The following PEF1 variants were observed in gnomAD, a reference collection of about 807,000 sequenced individuals.
PEF1 encodes penta-EF-hand domain containing 1.
A neutral mutation model predicts 32.0 loss-of-function variants in PEF1; 17 were observed. The ratio of observed to expected loss-of-function variants is 0.53; its 90% CI spans 0.36 to 0.80. PEF1 has a LOEUF of 0.80. Ranked by LOEUF, PEF1 falls within the 30% of genes least tolerant of loss-of-function variation. The pLI is 0.00. For missense variants in PEF1, 362 were observed against 369.1 expected, an observed-to-expected ratio of 0.98 and a Z score of 0.16; for synonymous variants, 130 against 139.8, an observed-to-expected ratio of 0.93 and a Z score of 0.50.
Position 31,630,808 on chromosome 1 carries a change from C to G in PEF1, c.660G>C (p.Gln220His). The change falls in exon 5 of 5, where the codon CAG (glutamine) becomes CAC (histidine). Residue 220 changes from glutamine (Q) to histidine (H), a missense_variant. Gln to His is a conservative substitution (Grantham distance 24). Coordinates refer to ENST00000373703, the MANE Select transcript of PEF1 (RefSeq NM_012392.4). ...AGCGGGAGACCAGAAGCTGGGTGAACTGGGGGCTCAGGTTGTAGCCCATTT... is the reference window on the plus strand; with the variant it reads ...AGCGGGAGACCAGAAGCTGGGTGAAGTGGGGGCTCAGGTTGTAGCCCATTT... Reference protein sequence around the residue: ...LSQMGYNLSPQFTQLLVSRYC... With the variant: ...LSQMGYNLSPHFTQLLVSRYC... 6.2e-7 allele frequency: 1 copy of G among 1,612,478 alleles called. No homozygotes were observed. Among genetic ancestry groups the G allele is most frequent in the African/African-American group, 1.3e-5 (1 of 75,048 alleles).
In PEF1 at chr1:31,644,852, G is replaced by C; in HGVS notation, c.13C>G (p.Pro5Ala). 1.2e-6 allele frequency: 2 copies of C among 1,614,040 alleles called. No homozygotes were observed. Among genetic ancestry groups the C allele is most frequent in the Non-Finnish European group, 1.7e-6 (2 of 1,179,942 alleles). MASY[P>A]YRQGCPGAAG... ...CCTCACACACTCACCTGCCGGTAAGGATAGCTGGCCATGGTGATTCTGACG... is the reference window on the plus strand; with the variant it reads ...CCTCACACACTCACCTGCCGGTAAGCATAGCTGGCCATGGTGATTCTGACG... Residue 5 changes from proline (P) to alanine (A), a missense_variant, in exon 1 of 5, where the codon CCT (proline) becomes GCT (alanine). Coordinates refer to ENST00000373703, the MANE Select transcript of PEF1 (RefSeq NM_012392.4).
At chr1:31,639,686 C>T (rs1408735836) in intron 1 of PEF1, among the ~76,000 whole-genome samples, 1 of 152,150 alleles carries the variant, frequency 6.6e-6, no homozygotes, top group Non-Finnish European at 1.5e-5. Context: ...ATGAAGAGAA[C>T]GGAATGGATT....
intron 1 of PEF1, among the ~76,000 whole-genome samples, chr1:31,640,332 C>CTA (rs1243247109): frequency 1.3e-5 from 2 of 152,180 alleles, no homozygotes; most frequent in African/African-American, 4.8e-5. Flanking sequence ...GATCATGCAG[C>CTA]TAGAATGGGC....
At chr1:31,639,342 T>G (rs779359851) in intron 1 of PEF1, among the ~76,000 whole-genome samples, 1 of 151,908 alleles carries the variant, frequency 6.6e-6, no homozygotes, top group Non-Finnish European at 1.5e-5. Context: ...TGTCTAAGAG[T>G]AGTTTCTGTC....
intron 1 of PEF1, among the ~76,000 whole-genome samples, chr1:31,640,036 G>T (rs1021704220): frequency 1.3e-5 from 2 of 152,196 alleles, no homozygotes; most frequent in African/African-American, 4.8e-5. Flanking sequence ...ATTTCATACT[G>T]ATAAACAGGA....
Position 31,630,206 on chromosome 1 carries a change from C to T in PEF1, c.*407G>A, listed in dbSNP as rs970662534. 2.5e-5 allele frequency: 6 copies of T among 244,014 alleles called. No homozygotes were observed. The highest frequency in any genetic ancestry group is 4.9e-5 in the Non-Finnish European group (6 of 121,350). 15.1% of individuals were successfully genotyped at this position (244,014 alleles called of 1,614,324 possible). A position where few individuals can be genotyped will look rare whatever the true frequency, so the allele number is the denominator to read the frequency against. On this transcript the variant is annotated 3_prime_UTR_variant, in exon 5 of 5. Coordinates refer to ENST00000373703, the MANE Select transcript of PEF1 (RefSeq NM_012392.4). ...CAGATTCCACTTTGGAGAAAATGGG[C>T]TCGTTTGACAGGATGGCCTGGTGAG...
intron 1 of PEF1, among the ~76,000 whole-genome samples, chr1:31,639,532 T>C (rs1640342276): frequency 6.6e-6 from 1 of 152,176 alleles, no homozygotes; most frequent in South Asian, 2.1e-4. Flanking sequence ...CAGAGCACTA[T>C]AGAAGGGTTT....
chr1:31,637,197 T>G (rs1320897327), intron 1 of PEF1, among the ~76,000 whole-genome samples: 1 of 152,134 alleles, frequency 6.6e-6, no homozygotes, highest in Non-Finnish European at 1.5e-5. Context: ...TGGGAGCTTT[T>G]CTACCCTAGA....
intron 2 of PEF1, 89 bp from the exon 3 acceptor site, chr1:31,633,403 G>C: frequency 7.3e-7 from 1 of 1,361,624 alleles, no homozygotes; most frequent in Non-Finnish European, 9.9e-7. Flanking sequence ...TCCTACACAC[G>C]AAGCTTCACA....
In PEF1 at chr1:31,635,326, GAGGGGAACATCCC is replaced by G. The variant is rs1454687415; in HGVS notation, c.208_220del (p.Gly70LeufsTer63). 2 of 1,614,118 alleles carry G rather than the reference GAGGGGAACATCCC, an allele frequency of 1.2e-6. No individual in the cohort carries two copies. The highest frequency in any genetic ancestry group is 2.2e-5 in the South Asian group (2 of 91,088). ...GCCATATGGTCCTCCTGGAGTTCCA[GAGGGGAACATCCC>G]AGGATTGGGGTGTCCATAGGGCCCT... On this transcript the variant is annotated frameshift_variant, in exon 2 of 5. Transcript: ENST00000373703. LOFTEE classifies it high-confidence loss of function.
At chr1:31,633,979 C>CA (rs1023073439) in intron 2 of PEF1, among the ~76,000 whole-genome samples, 16 of 151,264 alleles carry the variant, frequency 1.1e-4, no homozygotes, top group African/African-American at 2.4e-4. Context: ...CAAAAAAACC[C>CA]AAAAAAAACA....
chr1:31,632,434 A>G, intron 4 of PEF1, 61 bp downstream of exon 4: 2 of 1,611,994 alleles, frequency 1.2e-6, no homozygotes, highest in Non-Finnish European at 1.7e-6. Flanking sequence ...GTTGTATCTT[A>G]GGGTGTAAAG....
chr1:31,636,883 T>C (rs2148621408), intron 1 of PEF1, among the ~76,000 whole-genome samples: 2 of 152,296 alleles, frequency 1.3e-5, no homozygotes, highest in East Asian at 3.9e-4. Flanking sequence ...CCTCGGAGTG[T>C]TCCGCTCCAT....
chr1:31,637,472 C>T (rs894097762), intron 1 of PEF1, among the ~76,000 whole-genome samples: 2 of 151,692 alleles, frequency 1.3e-5, no homozygotes, highest in African/African-American at 4.8e-5. Flanking sequence ...TAGTAAGATC[C>T]CACCTCTACA....
chr1:31,643,198 G>A (rs992686448), intron 1 of PEF1, among the ~76,000 whole-genome samples: 27 of 152,208 alleles, frequency 1.8e-4, no homozygotes, highest in African/African-American at 4.8e-4. Context: ...GCCGGGAGGC[G>A]GAGTTTCTAT....
rs1262928168 is a variant in PEF1 at position 31,644,861 on chromosome 1, C to T, written c.4G>A (p.Ala2Thr). The change falls in exon 1 of 5, where the codon GCC (alanine) becomes ACC (threonine). Residue 2 changes from alanine (A) to threonine (T), a missense_variant. Ala to Thr is a moderately conservative substitution (Grantham distance 58). Coordinates refer to ENST00000373703, the MANE Select transcript of PEF1 (RefSeq NM_012392.4). Reference protein sequence around the residue: MASYPYRQGCPG... With the variant: MTSYPYRQGCPG... ...CTCACCTGCCGGTAAGGATAGCTGG[C>T]CATGGTGATTCTGACGTCACACTCA... is the stretch of plus-strand genomic sequence containing the variant. The T allele has an allele frequency of 6.2e-7, 1 of 1,613,902 alleles. No homozygotes were observed. Among genetic ancestry groups the T allele is most frequent in the Non-Finnish European group, 8.5e-7 (1 of 1,179,862 alleles).
Position 31,633,239 on chromosome 1 carries a change from A to G in PEF1, c.401T>C (p.Ile134Thr). ...GGCCTGCTTTAGCTCCTTCATGGAG[A>G]TATAGCCACTGTGATCTGAGTCCAC... ...QSVDSDHSGY[I>T]SMKELKQALV... Residue 134 changes from isoleucine to threonine, a missense_variant, in exon 3 of 5, where the codon ATC becomes ACC. Physicochemically the swap from Ile to Thr is moderately conservative, Grantham distance 89. Coordinates refer to ENST00000373703, the MANE Select transcript of PEF1 (RefSeq NM_012392.4). The G allele has an allele frequency of 6.2e-7, 1 of 1,614,020 alleles. No individual in the cohort carries two copies. Among genetic ancestry groups the G allele is most frequent in the Non-Finnish European group, 8.5e-7 (1 of 1,179,960 alleles).
chr1:31,643,208 T>C (rs1331598564), intron 1 of PEF1, among the ~76,000 whole-genome samples: 1 of 152,260 alleles, frequency 6.6e-6, no homozygotes. Flanking sequence ...GGAGTTTCTA[T>C]GGTTAGATAT....
chr1:31,644,354 C>T (rs1219406823), intron 1 of PEF1: 1 of 993,972 alleles, frequency 1.0e-6, no homozygotes. Context: ...CGGTGTTGAA[C>T]TAAGTCAGTG....
Sources: gnomAD v4.1 joint callset for allele counts (sites outside exome capture counted in the v4.1 genomes callset) on GRCh38, gnomAD v4.1.1 for gene constraint, MANE v1.5 for transcripts, NCBI Gene and HGNC (gene_info 2026-07-23, HGNC 2026-07-21) for gene names.